Variants in ESRP1 observed in about 807,000 individuals in gnomAD.
ESRP1 encodes epithelial splicing regulatory protein 1.
Under a neutral mutation model 81.7 loss-of-function variants are expected in ESRP1, and 33 were observed. The ratio of observed to expected loss-of-function variants is 0.40; its 90% CI spans 0.31 to 0.54. The LOEUF is 0.54. ESRP1 is among the 20% of genes least tolerant of loss of function. The pLI is 0.41. For missense variants in ESRP1, 672 were observed against 833.1 expected (o/e 0.81, Z 2.38); for synonymous variants, 320 against 303.3 (o/e 1.06, Z -0.57).
intron 4 of ESRP1, among the ~76,000 whole-genome samples, chr8:94,659,752 G>C (rs1818624066): frequency 6.6e-6 from 1 of 152,214 alleles, no homozygotes; most frequent in South Asian, 2.1e-4. Flanking sequence ...GGTGTTACCT[G>C]AGCAAAGATG....
At chr8:94,670,482 G>A (rs922151920) in intron 10 of ESRP1, among the ~76,000 whole-genome samples, 1 of 152,170 alleles carries the variant, frequency 6.6e-6, no homozygotes, top group Non-Finnish European at 1.5e-5. Context: ...ACTGAGCAGG[G>A]TGTGAGTGGG....
intron 13 of ESRP1, among the ~76,000 whole-genome samples, chr8:94,689,186 T>A: frequency 6.8e-6 from 1 of 147,496 alleles, no homozygotes; most frequent in South Asian, 2.1e-4. Context: ...GGGAGGCAGA[T>A]GTTGTAGTGA....
At chr8:94,651,898 G>A (rs772758304) in intron 4 of ESRP1, among the ~76,000 whole-genome samples, 3 of 150,348 alleles carry the variant, frequency 2.0e-5, no homozygotes, top group Non-Finnish European at 3.0e-5. Flanking sequence ...GGCGTGAGCC[G>A]CCACACTTGA....
intron 4 of ESRP1, among the ~76,000 whole-genome samples, chr8:94,646,765 A>G (rs1817878254): frequency 6.6e-6 from 1 of 152,204 alleles, no homozygotes; most frequent in African/African-American, 2.4e-5. Context: ...GCTGATTATA[A>G]TAAGCCATCT....
chr8:94,695,151 A>G (rs1029993664), intron 14 of ESRP1, among the ~76,000 whole-genome samples: 3 of 152,116 alleles, frequency 2.0e-5, no homozygotes, highest in African/African-American at 7.2e-5. Context: ...TGATAAAATC[A>G]GTGGATGACA....
Position 94,671,590 on chromosome 8 carries a change from A to T in ESRP1, c.1371A>T (p.Thr457=). ...TTCGAGGTCTTCCCTATGCAGCCAC[A>T]ATTGAGGACATCCTGGATTTCCTGG... The part of the protein sequence containing the change: ...IRLRGLPYAA[T]IEDILDFLGE... The change falls in exon 11 of 16, where the codon ACA becomes ACT. Residue 457 remains threonine (T), a synonymous_variant. Coordinates refer to ENST00000433389, the MANE Select transcript of ESRP1 (RefSeq NM_017697.4). 2 of 1,613,900 alleles carry T rather than the reference A, an allele frequency of 1.2e-6. No homozygotes were observed. The highest frequency in any genetic ancestry group is 1.7e-6 in the Non-Finnish European group (2 of 1,179,874).
At chr8:94,680,269 G>T (rs923159180) in intron 13 of ESRP1, among the ~76,000 whole-genome samples, 2 of 152,112 alleles carry the variant, frequency 1.3e-5, no homozygotes, top group Non-Finnish European at 2.9e-5. Context: ...CCTAGAGTGT[G>T]TTATTTTATT....
At chr8:94,688,408 T>G (rs1002242549) in intron 13 of ESRP1, 2 of 277,978 alleles carry the variant, frequency 7.2e-6, no homozygotes, top group African/African-American at 4.5e-5. Flanking sequence ...CTGGGGAAAT[T>G]GTTGTGAACC....
Position 94,703,589 on chromosome 8 carries a change from G to A in ESRP1, c.*36-2336G>A, listed in dbSNP as rs183289602. ...CTTAATTTTCAGCATCTACAAAGAT[G>A]CTATTTCCTAGTATAAATGTGATAG... is the stretch of plus-strand genomic sequence containing the variant. On this transcript the variant is annotated intron_variant, in intron 15 of 15. Coordinates refer to ENST00000433389, the MANE Select transcript of ESRP1 (RefSeq NM_017697.4). Among the ~76,000 whole-genome samples, 8 of 152,274 alleles carry A rather than the reference G, an allele frequency of 5.3e-5. No homozygotes were observed. In the East Asian group the frequency reaches 1.5e-3, roughly 29 times the overall value.
At chr8:94,703,379 C>A (rs991737597) in intron 15 of ESRP1, among the ~76,000 whole-genome samples, 1 of 151,964 alleles carries the variant, frequency 6.6e-6, no homozygotes, top group East Asian at 1.9e-4. Context: ...GTCTCCATCT[C>A]GACCTCATGA....
At chr8:94,693,187 T>G (rs1339372891) in intron 14 of ESRP1, among the ~76,000 whole-genome samples, 1 of 152,182 alleles carries the variant, frequency 6.6e-6, no homozygotes, top group Non-Finnish European at 1.5e-5. Flanking sequence ...GTCAAATCCT[T>G]GACTAAACCA....
At chr8:94,696,992 T>C (rs1027815994) in intron 15 of ESRP1, 31 bp downstream of exon 15, 1 of 1,431,596 alleles carries the variant, frequency 7.0e-7, no homozygotes, top group South Asian at 1.3e-5. Flanking sequence ...AGTTAAATTA[T>C]AAAGGGCCAA....
At chr8:94,661,987 T>A (rs546582404) in intron 4 of ESRP1, among the ~76,000 whole-genome samples, 1 of 152,352 alleles carries the variant, frequency 6.6e-6, no homozygotes, top group African/African-American at 2.4e-5. Context: ...CATACTTTGA[T>A]TCAAAATGAA....
In ESRP1 at chr8:94,678,365, A is replaced by G. The variant is rs1228296571; in HGVS notation, c.1814A>G (p.Tyr605Cys). 1 of 1,612,938 alleles carries G rather than the reference A, an allele frequency of 6.2e-7. No homozygotes were observed. The highest frequency in any genetic ancestry group is 1.3e-5 in the African/African-American group (1 of 74,906). The change falls in exon 13 of 16, where the codon TAT becomes TGT. Residue 605 changes from tyrosine to cysteine, a missense_variant. By Grantham distance (194) the Tyr-to-Cys change is radical. Transcript: ENST00000433389. ...TQLFMNYTAY[Y>C]PSPPGSPNSL... ...CTCTTCATGAATTACACAGCGTACT[A>G]TCCCAGGTAAGGCTCTGACAGAGGT... is the stretch of plus-strand genomic sequence containing the variant.
intron 10 of ESRP1, among the ~76,000 whole-genome samples, chr8:94,670,135 C>A (rs1819241390): frequency 6.6e-6 from 1 of 152,080 alleles, no homozygotes; most frequent in Non-Finnish European, 1.5e-5. Context: ...CTATGAGTTG[C>A]TTTTGGGTGT....
Position 94,685,140 on chromosome 8 carries a change from G to A in ESRP1, c.1820+6769G>A, listed in dbSNP as rs139503480. Among the ~76,000 whole-genome samples the A allele has an allele frequency of 1.9e-3, 292 of 151,852 alleles. 1 individual carries two copies. Among genetic ancestry groups the A allele is most frequent in the African/African-American group, 6.9e-3 (287 of 41,364 alleles). Reference sequence around the variant, plus strand: ...AGAAATCACCTGATAATATTAATTAGTATTACCAATGTTTGTATTTTGTGA... The same window carrying A: ...AGAAATCACCTGATAATATTAATTAATATTACCAATGTTTGTATTTTGTGA... On this transcript the variant is annotated intron_variant, in intron 13 of 15. Coordinates refer to ENST00000433389, the MANE Select transcript of ESRP1 (RefSeq NM_017697.4).
At chr8:94,697,791 A>AT (rs1028158163) in intron 15 of ESRP1, among the ~76,000 whole-genome samples, 41 of 151,192 alleles carry the variant, frequency 2.7e-4, no homozygotes, top group South Asian at 6.3e-4. Context: ...TTTTATTTTT[A>AT]TTTTTTTTGA....
rs1810061794 is a variant in ESRP1 at position 94,706,082 on chromosome 8, G to T, written c.*193G>T. The stretch of plus-strand genomic sequence containing the variant: ...ATCTTTTGGTGGAGTGAAAAAATTT[G>T]AGCTAGTGAAGCCAAATCGTAACTT... On this transcript the variant is annotated 3_prime_UTR_variant, in exon 16 of 16. Coordinates refer to ENST00000433389, the MANE Select transcript of ESRP1 (RefSeq NM_017697.4). The T allele has an allele frequency of 1.1e-6, 1 of 876,462 alleles. No individual in the cohort carries two copies. The highest frequency in any genetic ancestry group is 1.7e-5 in the African/African-American group (1 of 57,996). The allele number at this position is 876,462 out of a possible 1,614,324, so 54.3% of individuals were successfully genotyped here. A position where few individuals can be genotyped will look rare whatever the true frequency, so the allele number is the denominator to read the frequency against.
At chr8:94,674,217 G>T in intron 11 of ESRP1, 91 bp from the exon 12 acceptor site, 1 of 1,398,140 alleles carries the variant, frequency 7.2e-7, no homozygotes, top group Non-Finnish European at 1.0e-6. Flanking sequence ...TGTATTATGG[G>T]TGATTGTCAC....
Sources: gnomAD v4.1 joint callset for allele counts (sites outside exome capture counted in the v4.1 genomes callset) on GRCh38, gnomAD v4.1.1 for gene constraint, MANE v1.5 for transcripts, NCBI Gene and HGNC (gene_info 2026-07-23, HGNC 2026-07-21) for gene names.